Variants in APP observed in about 807,000 individuals in gnomAD.
APP encodes the protein amyloid beta precursor protein.
APP carries 31 observed loss-of-function variants against 101.4 expected under a neutral mutation model. That is an observed-to-expected ratio of 0.31 (90% CI 0.23 to 0.41). The LOEUF is 0.41. APP is among the 10% of genes least tolerant of loss of function. The pLI is 1.00. For synonymous variants in APP, 366 were observed against 364.4 expected, an observed-to-expected ratio of 1.00 and a Z score of -0.05; for missense variants, 839 against 1,003.7, an observed-to-expected ratio of 0.84 and a Z score of 2.22.
intron 3 of APP, among the ~76,000 whole-genome samples, chr21:26,076,936 G>A (rs748477621): frequency 2.6e-5 from 4 of 152,006 alleles, no homozygotes; most frequent in Middle Eastern, 3.4e-3. Context: ...GGTTGTGGGC[G>A]CCTGTAGTCC....
intron 3 of APP, among the ~76,000 whole-genome samples, chr21:26,079,078 T>C (rs1170296098): frequency 1.4e-5 from 2 of 145,372 alleles, no homozygotes; most frequent in Non-Finnish European, 3.0e-5. Context: ...CTCAAGACAA[T>C]ATCTCAAGAT....
rs375326382 is a variant in APP, at chr21:25,886,159, C to T, written c.2212-4388G>A. Among the ~76,000 whole-genome samples, 5 of 151,984 alleles carry T rather than the reference C, an allele frequency of 3.3e-5. No individual in the cohort carries two copies. In the East Asian group the frequency reaches 5.8e-4, roughly 18 times the overall value. ...ACAATAGTGTGACACATCAAAGGAG[C>T]CACAAGTCTGCGGAAAAAAAAAATA... On this transcript the variant is annotated intron_variant, in intron 17 of 17. Coordinates refer to ENST00000346798, the MANE Select transcript of APP (RefSeq NM_000484.4).
intron 13 of APP, among the ~76,000 whole-genome samples, chr21:25,913,675 C>G (rs2039194353): frequency 6.6e-6 from 1 of 152,200 alleles, no homozygotes; most frequent in Non-Finnish European, 1.5e-5. Context: ...CTACGCTGTT[C>G]TTGGGTCTGT....
chr21:25,909,456 A>T (rs2038957735), intron 14 of APP, among the ~76,000 whole-genome samples: 2 of 152,194 alleles, frequency 1.3e-5, no homozygotes. Flanking sequence ...ATCCAACAAG[A>T]ATATCAGCTC....
chr21:25,982,013 T>G (rs192341664), intron 9 of APP, among the ~76,000 whole-genome samples: 6 of 152,326 alleles, frequency 3.9e-5, no homozygotes, highest in Non-Finnish European at 8.8e-5. Context: ...AAGAGCATTT[T>G]GATGGATTTT....
chr21:26,053,348 A>C lies in APP; in HGVS notation c.356T>G (p.Val119Gly). 1 of 1,603,818 alleles carries C rather than the reference A, an allele frequency of 6.2e-7. No homozygotes were observed. Among genetic ancestry groups the C allele is most frequent in the East Asian group, 2.2e-5 (1 of 44,838 alleles). ...PHFVIPYRCL[V>G]GEFVSDALLV... ...AAGGGCATCACTTACAAACTCACCA[A>C]CTGAAAGAAAGGAAAACCACTTCCC... is the stretch of plus-strand genomic sequence containing the variant. The change falls in exon 4 of 18, where the codon GTT (valine) becomes GGT (glycine). Residue 119 changes from valine (V) to glycine (G), a missense_variant and splice_region_variant. Physicochemically the swap from Val to Gly is moderately radical, Grantham distance 109. Transcript: ENST00000346798.
Position 25,911,845 on chromosome 21 carries a change from G to T in APP, c.1805C>A (p.Thr602Asn). 1 of 1,614,190 alleles carries T rather than the reference G, an allele frequency of 6.2e-7. No individual in the cohort carries two copies. ...ALMPSLTETKTTVELLPVNGE... is the reference protein window; with the variant it reads ...ALMPSLTETKNTVELLPVNGE... ...ATTCACGGGAAGGAGCTCCACGGTG[G>T]TTTTCGTTTCGGTCAAAGATGGCAT... Residue 602 changes from threonine to asparagine, a missense_variant, in exon 14 of 18, where the codon ACC becomes AAC. Transcript: ENST00000346798.
chr21:25,891,837 T>C lies in APP; in HGVS notation c.2096A>G (p.Lys699Arg), dbSNP rs1405279555. Residue 699 changes from lysine (K) to arginine (R), a missense_variant, in exon 17 of 18, where the codon AAA (lysine) becomes AGA (arginine). Transcript: ENST00000346798. Reference protein sequence around the residue: ...VFFAEDVGSNKGAIIGLMVGG... With the variant: ...VFFAEDVGSNRGAIIGLMVGG... The stretch of plus-strand genomic sequence containing the variant: ...CACCATGAGTCCAATGATTGCACCT[T>C]TGTTTGAACCCACATCTTCTGCAAA... 6.8e-6 allele frequency: 11 copies of C among 1,614,012 alleles called. No individual in the cohort carries two copies. In the Admixed American group the frequency reaches 1.7e-4, roughly 24 times the overall value.
intron 16 of APP, among the ~76,000 whole-genome samples, chr21:25,895,989 C>A (rs1052947306): frequency 6.6e-6 from 1 of 152,154 alleles, no homozygotes; most frequent in African/African-American, 2.4e-5. Flanking sequence ...GCATTATAGG[C>A]GTTAGTGTAA....
In APP at chr21:25,897,505, T is replaced by C. The variant is rs2038149953; in HGVS notation, c.2064+68A>G. The C allele has an allele frequency of 6.3e-5, 73 of 1,157,880 alleles. 2 individuals are homozygous for C. In the South Asian group the frequency reaches 8.2e-4, roughly 13 times the overall value. 71.7% of individuals were successfully genotyped at this position (1,157,880 alleles called of 1,614,324 possible). On this transcript the variant is annotated intron_variant, in intron 16 of 17. Coordinates refer to ENST00000346798, the MANE Select transcript of APP (RefSeq NM_000484.4). ...CCTTAATTTGATTTCTAGCACAGGATGAACCAGAGTTAATAGGTCATTTGG... is the reference window on the plus strand; with the variant it reads ...CCTTAATTTGATTTCTAGCACAGGACGAACCAGAGTTAATAGGTCATTTGG...
At chr21:26,029,541 G>A (rs1039243409) in intron 5 of APP, among the ~76,000 whole-genome samples, 2 of 152,106 alleles carry the variant, frequency 1.3e-5, no homozygotes, top group Admixed American at 1.3e-4. Context: ...CGAAGTGAAT[G>A]AAGTCCAGGG....
intron 1 of APP, among the ~76,000 whole-genome samples, chr21:26,155,259 C>A (rs2063351672): frequency 6.6e-6 from 1 of 151,942 alleles, no homozygotes; most frequent in African/African-American, 2.4e-5. Context: ...GAGTGAGACT[C>A]CGTCTCAAAA....
At chr21:26,137,149 C>G (rs1398916637) in intron 1 of APP, among the ~76,000 whole-genome samples, 5 of 152,122 alleles carry the variant, frequency 3.3e-5, no homozygotes, top group Admixed American at 6.5e-5. Context: ...GCCATGTTGC[C>G]CAGGCTAACA....
intron 6 of APP, among the ~76,000 whole-genome samples, chr21:26,015,912 A>G (rs1261325818): frequency 2.7e-5 from 2 of 73,134 alleles, no homozygotes; most frequent in Non-Finnish European, 5.2e-5. Flanking sequence ...CAATTTTTAA[A>G]CAAATGGGAT....
At chr21:25,982,506 G>GA (rs749470285) in intron 8 of APP, 29 bp from the exon 9 acceptor site, 36 of 1,604,030 alleles carry the variant, frequency 2.2e-5, no homozygotes, top group African/African-American at 5.4e-5. Context: ...GGAGGTTTGA[G>GA]AAAAAAAAGC....
At chr21:26,158,437 A>G (rs774897350) in intron 1 of APP, among the ~76,000 whole-genome samples, 3 of 152,178 alleles carry the variant, frequency 2.0e-5, no homozygotes, top group Admixed American at 6.5e-5. Flanking sequence ...CCTTAAGAAG[A>G]GAGCCGGAAA....
Position 25,950,372 on chromosome 21 carries a change from T to C in APP, c.1687+4218A>G, listed in dbSNP as rs1601000432. Among the ~76,000 whole-genome samples the C allele has an allele frequency of 2.7e-5, 4 of 147,924 alleles. No homozygotes were observed. In the East Asian group the frequency reaches 8.0e-4, roughly 30 times the overall value. ...AGCAAGGAAAAACCACAAGCAGCTT[T>C]TTTTTTTTCTTTTTTTTTTTTTTTG... is the stretch of plus-strand genomic sequence containing the variant. On this transcript the variant is annotated intron_variant, in intron 13 of 17. Transcript: ENST00000346798.
At chr21:26,034,688 A>G (rs775702664) in intron 5 of APP, among the ~76,000 whole-genome samples, 2 of 151,860 alleles carry the variant, frequency 1.3e-5, no homozygotes, top group Non-Finnish European at 1.5e-5. Context: ...AAAGAAATCT[A>G]TTATCGATTA....
At chr21:25,889,323 A>G (rs1621506) in intron 17 of APP, among the ~76,000 whole-genome samples, 139,660 of 152,234 alleles carry the variant, frequency 0.92, 64,241 homozygotes, top group African/African-American at 0.96. Context: ...GCAGACAGGC[A>G]TCTGCAAACC....
Sources: allele counts gnomAD v4.1 joint callset (sites outside exome capture counted in the v4.1 genomes callset), GRCh38; gene constraint gnomAD v4.1.1; transcripts MANE v1.5; gene names NCBI Gene and HGNC (gene_info 2026-07-23, HGNC 2026-07-21).